Variants in FIRRM observed in about 807,000 individuals in gnomAD.
The protein encoded by FIRRM is FIGNL1 interacting regulator of recombination and mitosis, also known as FIGNL1-interacting regulator of recombination and mitosis.
the FIRRM span, among the ~76,000 whole-genome samples, chr1:169,842,174 C>CA: frequency 0.11 from 9,302 of 83,656 alleles, 376 homozygotes; most frequent in Middle Eastern, 0.19. Context: ...GATGCCATCT[C>CA]AAAAAAAAAA....
the FIRRM span, chr1:169,808,048 G>A: frequency 2.0e-6 from 2 of 1,018,716 alleles, no homozygotes; most frequent in Non-Finnish European, 1.4e-6. Context: ...TTTCATTTGG[G>A]TGTTTTTTTT....
chr1:169,844,706 TTGATTC>T, the FIRRM span, among the ~76,000 whole-genome samples: 58 of 152,192 alleles, frequency 3.8e-4, no homozygotes, highest in Non-Finnish European at 1.2e-4. Flanking sequence ...ATGCAACAAT[TTGATTC>T]TGATTCTGAA....
the FIRRM span, among the ~76,000 whole-genome samples, chr1:169,833,343 C>A: frequency 6.6e-6 from 1 of 152,020 alleles, no homozygotes; most frequent in African/African-American, 2.4e-5. Context: ...TCATTAAGTT[C>A]CTGCGTGAGT....
chr1:169,819,067 C>T, the FIRRM span, among the ~76,000 whole-genome samples: 2 of 152,190 alleles, frequency 1.3e-5, no homozygotes, highest in African/African-American at 4.8e-5. Context: ...GCGGTTTCTA[C>T]AGCCTAATAA....
the FIRRM span, among the ~76,000 whole-genome samples, chr1:169,845,986 C>T: frequency 6.6e-6 from 1 of 152,132 alleles, no homozygotes; most frequent in Non-Finnish European, 1.5e-5. Flanking sequence ...CAGCTATAGC[C>T]TTATAAAACG....
the FIRRM span, among the ~76,000 whole-genome samples, chr1:169,836,754 CAAT>C: frequency 6.6e-6 from 1 of 152,078 alleles, no homozygotes; most frequent in Non-Finnish European, 1.5e-5. Flanking sequence ...GCATCAATAA[CAAT>C]AATAATAAAG....
chr1:169,823,453 C>T, the FIRRM span: 1 of 1,604,152 alleles, frequency 6.2e-7, no homozygotes, highest in Non-Finnish European at 8.5e-7. Flanking sequence ...TTTGCACCAA[C>T]TGTATCTTCA....
chr1:169,830,613 A>G, the FIRRM span: 1 of 1,325,750 alleles, frequency 7.5e-7, no homozygotes, highest in African/African-American at 1.5e-5. Flanking sequence ...CCTCATCAGA[A>G]TATTTAGTGC....
At chr1:169,836,855 T>C in the FIRRM span, 1 of 1,089,148 alleles carries the variant, frequency 9.2e-7, no homozygotes, top group South Asian at 1.6e-5. Context: ...TGGAAACTAA[T>C]ACTTAGCTTT....
chr1:169,795,562 G>GGACT, the FIRRM span: 2 of 1,054,862 alleles, frequency 1.9e-6, no homozygotes, highest in South Asian at 3.4e-5. Context: ...GGGGAGGCAA[G>GGACT]GACTGAGACC....
At chr1:169,830,388 G>T in the FIRRM span, 1 of 1,427,944 alleles carries the variant, frequency 7.0e-7, no homozygotes, top group South Asian at 1.2e-5. Context: ...TATTAGTAGT[G>T]ACTGACAGTA....
At chr1:169,812,150 A>G in the FIRRM span, among the ~76,000 whole-genome samples, 9,875 of 152,324 alleles carry the variant, frequency 0.065, 426 homozygotes, top group Non-Finnish European at 0.099. Context: ...GTAGTATGCT[A>G]TTTAGTAATG....
chr1:169,834,656 C>G, the FIRRM span, among the ~76,000 whole-genome samples: 1 of 152,036 alleles, frequency 6.6e-6, no homozygotes, highest in East Asian at 1.9e-4. Context: ...AATTAAATAA[C>G]TTCCACAAAT....
chr1:169,804,388 T>A, the FIRRM span: 2 of 658,776 alleles, frequency 3.0e-6, no homozygotes, highest in Admixed American at 7.9e-5. Context: ...ATCTTGAAAT[T>A]TGGAATTTGT....
At chr1:169,836,685 CT>C in the FIRRM span, among the ~76,000 whole-genome samples, 1 of 152,040 alleles carries the variant, frequency 6.6e-6, no homozygotes, top group Non-Finnish European at 1.5e-5. Context: ...TATTTAATGT[CT>C]TGGTGCATTT....
chr1:169,845,866 T>C, the FIRRM span, among the ~76,000 whole-genome samples: 19 of 152,220 alleles, frequency 1.2e-4, no homozygotes, highest in African/African-American at 4.3e-4. Flanking sequence ...TATTTTGACC[T>C]CCTCCAAATG....
chr1:169,808,394 T>C, the FIRRM span, among the ~76,000 whole-genome samples: 1 of 152,198 alleles, frequency 6.6e-6, no homozygotes, highest in South Asian at 2.1e-4. Flanking sequence ...TGTTTTTATT[T>C]TGAAAAGTTA....
chr1:169,808,864 G>A, the FIRRM span, among the ~76,000 whole-genome samples: 1 of 152,162 alleles, frequency 6.6e-6, no homozygotes, highest in Non-Finnish European at 1.5e-5. Flanking sequence ...CTCCCAAAGT[G>A]CTGGGATTAC....
At chr1:169,826,854 T>C in the FIRRM span, among the ~76,000 whole-genome samples, 2 of 152,196 alleles carry the variant, frequency 1.3e-5, no homozygotes, top group Non-Finnish European at 2.9e-5. Flanking sequence ...ATTATGGCTA[T>C]GTTTAGTTTA....
Sources: gnomAD v4.1 joint callset for allele counts (sites outside exome capture counted in the v4.1 genomes callset) on GRCh38, gnomAD v4.1.1 for gene constraint, MANE v1.5 for transcripts, NCBI Gene and HGNC (gene_info 2026-07-23, HGNC 2026-07-21) for gene names.